Variants in FHIT observed in about 807,000 individuals in gnomAD.
The protein encoded by FHIT is fragile histidine triad diadenosine triphosphatase.
In FHIT, 19 loss-of-function variants were observed where a neutral mutation model predicts 17.9. The observed-to-expected ratio is 1.06, with a 90% CI of 0.74 to 1.56. The LOEUF (loss-of-function observed/expected upper bound fraction) is 1.56. Ranked by LOEUF, FHIT falls within the 40% of genes most tolerant of loss-of-function variation. The pLI is 0.00. For synonymous variants in FHIT, 81 were observed against 69.7 expected (o/e 1.16, Z -0.81); for missense variants, 248 against 189.2 (o/e 1.31, Z -1.82).
intron 8 of FHIT, among the ~76,000 whole-genome samples, chr3:59,771,836 T>G (rs1240428090): frequency 1.3e-5 from 2 of 152,214 alleles, no homozygotes; most frequent in Non-Finnish European, 2.9e-5. Context: ...TGTCAGCACT[T>G]TTTAGAATCT....
chr3:59,856,871 ATTTT>A (rs61261831), intron 8 of FHIT, among the ~76,000 whole-genome samples: 8,491 of 148,366 alleles, frequency 0.057, 305 homozygotes, highest in Non-Finnish European at 0.081. Context: ...CCGGCTGAGT[ATTTT>A]TTTTTTTTTT....
At chr3:60,786,642 T>A (rs974344280) in intron 4 of FHIT, among the ~76,000 whole-genome samples, 9 of 152,214 alleles carry the variant, frequency 5.9e-5, no homozygotes, top group African/African-American at 2.2e-4. Flanking sequence ...TTAACTTTTA[T>A]ATATAATTAT....
chr3:61,168,363 C>T (rs1432778131), intron 2 of FHIT, among the ~76,000 whole-genome samples: 1 of 152,004 alleles, frequency 6.6e-6, no homozygotes, highest in Non-Finnish European at 1.5e-5. Flanking sequence ...AAGTAACAAA[C>T]ACTCTCAGAA....
At chr3:59,803,430 G>C (rs1361290058) in intron 8 of FHIT, among the ~76,000 whole-genome samples, 1 of 152,216 alleles carries the variant, frequency 6.6e-6, no homozygotes, top group Non-Finnish European at 1.5e-5. Context: ...CCATGGAGAA[G>C]AGACCTCCGC....
intron 8 of FHIT, among the ~76,000 whole-genome samples, chr3:59,804,505 T>C (rs940495582): frequency 6.6e-6 from 1 of 152,204 alleles, no homozygotes; most frequent in Non-Finnish European, 1.5e-5. Flanking sequence ...AAAATGAAAG[T>C]ACACTCCACA....
intron 5 of FHIT, among the ~76,000 whole-genome samples, chr3:60,194,621 A>C (rs1401521960): frequency 6.6e-6 from 1 of 152,232 alleles, no homozygotes; most frequent in Admixed American, 6.5e-5. Context: ...CTGCACAGCA[A>C]AAGAAACAAT....
intron 5 of FHIT, among the ~76,000 whole-genome samples, chr3:60,487,468 C>T: frequency 6.6e-6 from 1 of 152,212 alleles, no homozygotes; most frequent in East Asian, 1.9e-4. Context: ...GAGACTTCTA[C>T]ATTCTGCTCT....
At chr3:60,908,815 T>C (rs1187253556) in intron 3 of FHIT, among the ~76,000 whole-genome samples, 2 of 151,376 alleles carry the variant, frequency 1.3e-5, no homozygotes, top group African/African-American at 2.4e-5. Flanking sequence ...GAAGCTGTAA[T>C]AGCAGAGCCA....
At chr3:60,553,618 T>C (rs1457312600) in intron 4 of FHIT, among the ~76,000 whole-genome samples, 4 of 151,438 alleles carry the variant, frequency 2.6e-5, no homozygotes, top group African/African-American at 9.7e-5. Flanking sequence ...TGGATACTTC[T>C]ATGTTTTATG....
At chr3:59,749,789 A>ATGGTT in intron 9 of FHIT, 1 of 226,792 alleles carries the variant, frequency 4.4e-6, no homozygotes. Context: ...CCCTGTGAGG[A>ATGGTT]TGGTTTCAAT....
intron 8 of FHIT, among the ~76,000 whole-genome samples, chr3:59,765,474 G>C (rs549315569): frequency 2.6e-5 from 4 of 152,298 alleles, no homozygotes; most frequent in South Asian, 4.1e-4. Context: ...TTTAGGTGGA[G>C]ATCAAAATTA....
intron 4 of FHIT, among the ~76,000 whole-genome samples, chr3:60,805,381 C>T (rs1253752303): frequency 3.3e-5 from 5 of 152,046 alleles, no homozygotes; most frequent in Admixed American, 2.0e-4. Flanking sequence ...GGCCTCTCTC[C>T]CTGGCTTGCG....
intron 3 of FHIT, among the ~76,000 whole-genome samples, chr3:60,824,179 G>C (rs1054973937): frequency 2.0e-5 from 3 of 152,146 alleles, no homozygotes; most frequent in Admixed American, 6.5e-5. Context: ...GAAGAACAAG[G>C]CCACTTAGGA....
chr3:59,929,903 T>C (rs1705882986), intron 7 of FHIT, among the ~76,000 whole-genome samples: 1 of 150,494 alleles, frequency 6.6e-6, no homozygotes, highest in Admixed American at 6.6e-5. Context: ...ACAAAAACCC[T>C]GAAGCAAGGA....
chr3:60,221,715 T>C (rs532450480), intron 5 of FHIT, among the ~76,000 whole-genome samples: 1 of 152,274 alleles, frequency 6.6e-6, no homozygotes, highest in South Asian at 2.1e-4. Flanking sequence ...TAGCATTTCA[T>C]GGACCCTCAG....
At chr3:59,803,488 C>T (rs963485710) in intron 8 of FHIT, among the ~76,000 whole-genome samples, 8 of 152,168 alleles carry the variant, frequency 5.3e-5, no homozygotes, top group African/African-American at 1.9e-4. Flanking sequence ...GGCGGCAGCA[C>T]GGGTCTCATT....
intron 3 of FHIT, among the ~76,000 whole-genome samples, chr3:60,925,450 T>C (rs1483083762): frequency 2.6e-5 from 4 of 152,118 alleles, no homozygotes; most frequent in South Asian, 2.1e-4. Flanking sequence ...ATTTCATATC[T>C]AGCCAAACTA....
chr3:60,094,477 G>T (rs1198989688), intron 5 of FHIT, among the ~76,000 whole-genome samples: 1 of 152,084 alleles, frequency 6.6e-6, no homozygotes, highest in Non-Finnish European at 1.5e-5. Flanking sequence ...ATCTGATACA[G>T]AAATGAAATT....
At chr3:60,858,286 C>T (rs1703468607) in intron 3 of FHIT, among the ~76,000 whole-genome samples, 1 of 152,078 alleles carries the variant, frequency 6.6e-6, no homozygotes, top group Non-Finnish European at 1.5e-5. Context: ...AAGAAAAACA[C>T]ACTTTTAAGC....
Sources: gnomAD v4.1 joint callset for allele counts (sites outside exome capture counted in the v4.1 genomes callset) on GRCh38, gnomAD v4.1.1 for gene constraint, MANE v1.5 for transcripts, NCBI Gene and HGNC (gene_info 2026-07-23, HGNC 2026-07-21) for gene names.